SCP2: variants seen among roughly 807,000 people sequenced by gnomAD.
SCP2 encodes the protein SCP-2/3-oxoacyl-CoA thiolase.
Under a neutral mutation model 71.4 loss-of-function variants are expected in SCP2, and 48 were observed. The observed-to-expected ratio is 0.67, with a 90% confidence interval of 0.53 to 0.86. SCP2 has a LOEUF of 0.86. SCP2 is among the 40% of genes least tolerant of loss of function. SCP2 has a pLI of 0.00. For missense variants in SCP2, 560 were observed against 655.6 expected, an observed-to-expected ratio of 0.85 and a Z score of 1.59; for synonymous variants, 220 against 218.1, an observed-to-expected ratio of 1.01 and a Z score of -0.08.
At chr1:53,036,783 A>T (rs539968335) in intron 13 of SCP2, among the ~76,000 whole-genome samples, 1 of 151,482 alleles carries the variant, frequency 6.6e-6, no homozygotes, top group East Asian at 2.0e-4. Context: ...TGTTTTTGGT[A>T]CAAAACCCAT....
intron 8 of SCP2, 143 bp from the exon 9 acceptor site, chr1:52,978,074 T>G (rs1384186313): frequency 1.3e-6 from 1 of 752,816 alleles, no homozygotes; most frequent in Non-Finnish European, 2.3e-6. Context: ...ATGTGTGATT[T>G]ACAACTGTAG....
chr1:52,985,780 G>A (rs1397025196), intron 10 of SCP2, among the ~76,000 whole-genome samples: 1 of 152,016 alleles, frequency 6.6e-6, no homozygotes, highest in Non-Finnish European at 1.5e-5. Flanking sequence ...CAGGGCCTTT[G>A]TTCCAAACAT....
chr1:53,044,353 C>T (rs562382378), intron 14 of SCP2, among the ~76,000 whole-genome samples: 10 of 152,300 alleles, frequency 6.6e-5, no homozygotes, highest in Non-Finnish European at 2.9e-5. Context: ...CCAGCGCACC[C>T]GGCTTCTATT....
rs554851573 is a variant in SCP2, at chr1:52,954,313, C to CAA, written c.332-417_332-416dup. 3.2e-3 allele frequency among the ~76,000 whole-genome samples: 418 copies of CAA among 130,182 alleles called. 4 individuals are homozygous for CAA. Among genetic ancestry groups the CAA allele is most frequent in the African/African-American group, 0.011 (393 of 35,952 alleles). The allele number at this position is 130,182 out of a possible 152,430, so 85.4% of individuals were successfully genotyped here. On this transcript the variant is annotated intron_variant, in intron 4 of 15. Coordinates refer to ENST00000371514, the MANE Select transcript of SCP2 (RefSeq NM_002979.5). The stretch of plus-strand genomic sequence containing the variant: ...TCGGTGACAGACTGAAACTTTGTGT[C>CAA]AAAAAAAAAAAGCAAACAAACAACA...
At chr1:52,963,495 C>T (rs1280614161) in intron 6 of SCP2, 1 of 151,918 alleles carries the variant, frequency 6.6e-6, no homozygotes, top group South Asian at 2.1e-4. Context: ...AATCCATTAT[C>T]GGAGGTGTTA....
chr1:53,047,641 A>C (rs1557635751), intron 14 of SCP2, among the ~76,000 whole-genome samples: 1 of 152,176 alleles, frequency 6.6e-6, no homozygotes, highest in Non-Finnish European at 1.5e-5. Flanking sequence ...ATATACCATA[A>C]TTTATTTAAT....
intron 11 of SCP2, among the ~76,000 whole-genome samples, chr1:52,988,372 G>A (rs1659178737): frequency 6.6e-6 from 1 of 152,140 alleles, no homozygotes; most frequent in South Asian, 2.1e-4. Context: ...TTTCCAAATA[G>A]AGATCTTACT....
intron 11 of SCP2, among the ~76,000 whole-genome samples, chr1:52,997,035 GA>G (rs373033925): frequency 4.0e-5 from 6 of 150,194 alleles, no homozygotes; most frequent in Non-Finnish European, 5.9e-5. Context: ...ATGTGAATTG[GA>G]AAAAAAAATG....
Position 53,014,880 on chromosome 1 carries a change from G to T in SCP2, c.1082-10G>T, listed in dbSNP as rs373487934. 7 of 1,612,306 alleles carry T rather than the reference G, an allele frequency of 4.3e-6. No individual in the cohort carries two copies. Among genetic ancestry groups the T allele is most frequent in the South Asian group, 1.1e-5 (1 of 90,950 alleles). On this transcript the variant is annotated splice_polypyrimidine_tract_variant and intron_variant, in intron 11 of 15. Transcript: ENST00000371514. ...GGAAGCAGCTCAGTGCTCTGTGTTC[G>T]ATTTGTTAGGTCTTGCTCAGTGTGC...
Position 52,954,781 on chromosome 1 carries a change from A to C in SCP2, c.373A>C (p.Ser125Arg). 6.2e-7 allele frequency: 1 copy of C among 1,613,684 alleles called. No individual in the cohort carries two copies. Among genetic ancestry groups the C allele is most frequent in the South Asian group, 1.1e-5 (1 of 91,072 alleles). Residue 125 changes from serine to arginine, a missense_variant, in exon 5 of 16, where the codon AGT (serine) becomes CGT (arginine). Physicochemically the swap from Ser to Arg is moderately radical, Grantham distance 110. This residue lies in a region of SCP2 where 513 missense variants were observed against 573.1 expected (regional missense o/e 0.90). Transcript: ENST00000371514. ...CVLALGFEKM[S>R]KGSLGIKFSD... Reference sequence around the variant, plus strand: ...CTTGGCTCTTGGGTTTGAGAAGATGAGTAAGGGAAGCCTTGGAATAAAAGT... The same window carrying C: ...CTTGGCTCTTGGGTTTGAGAAGATGCGTAAGGGAAGCCTTGGAATAAAAGT...
At chr1:52,974,399 G>A (rs535697119) in intron 6 of SCP2, among the ~76,000 whole-genome samples, 9 of 152,286 alleles carry the variant, frequency 5.9e-5, no homozygotes, top group African/African-American at 2.2e-4. Flanking sequence ...TGTGAGTTGT[G>A]TAAAATTCTC....
chr1:52,928,360 T>C (rs1015343926), intron 1 of SCP2, among the ~76,000 whole-genome samples: 1 of 152,250 alleles, frequency 6.6e-6, no homozygotes, highest in Non-Finnish European at 1.5e-5. Context: ...CCTCAGTGAA[T>C]GTTAGTTGAA....
At chr1:53,028,618 CTTTTG>C (rs1481531380) in intron 13 of SCP2, among the ~76,000 whole-genome samples, 7 of 151,972 alleles carry the variant, frequency 4.6e-5, no homozygotes, top group Middle Eastern at 6.8e-3. Flanking sequence ...TTATACTATA[CTTTTG>C]TTTTAACCTT....
chr1:52,978,539 T>C (rs560479268), intron 9 of SCP2, among the ~76,000 whole-genome samples, 172 bp downstream of exon 9: 1 of 152,216 alleles, frequency 6.6e-6, no homozygotes, highest in South Asian at 2.1e-4. Flanking sequence ...AAGGGAAAAA[T>C]GATTGTTTTG....
chr1:52,960,910 A>C (rs981890339), intron 5 of SCP2, among the ~76,000 whole-genome samples: 1 of 150,804 alleles, frequency 6.6e-6, no homozygotes, highest in Non-Finnish European at 1.5e-5. Context: ...ATACCACCAC[A>C]CCTGGCTAAT....
At chr1:53,046,458 G>T (rs1663826533) in intron 14 of SCP2, among the ~76,000 whole-genome samples, 1 of 151,650 alleles carries the variant, frequency 6.6e-6, no homozygotes, top group African/African-American at 2.4e-5. Flanking sequence ...TTGGCCATTT[G>T]GAGATCTTCT....
chr1:52,978,936 G>A (rs1479024074), intron 9 of SCP2, among the ~76,000 whole-genome samples: 1 of 152,038 alleles, frequency 6.6e-6, no homozygotes, highest in African/African-American at 2.4e-5. Flanking sequence ...GTACAAAATG[G>A]AAAAAGTAAA....
At chr1:52,946,751 T>C (rs1477796007) in intron 2 of SCP2, among the ~76,000 whole-genome samples, 1 of 131,160 alleles carries the variant, frequency 7.6e-6, no homozygotes, top group African/African-American at 2.9e-5. Context: ...TCAAATACAT[T>C]TATATGTTTA....
At chr1:52,988,860 ATT>A (rs1292074564) in intron 11 of SCP2, among the ~76,000 whole-genome samples, 1 of 143,626 alleles carries the variant, frequency 7.0e-6, no homozygotes, top group East Asian at 2.0e-4. Flanking sequence ...TAATTTTTGT[ATT>A]TTTTTTTTTA....
Sources: allele counts gnomAD v4.1 joint callset (sites outside exome capture counted in the v4.1 genomes callset), GRCh38; gene constraint gnomAD v4.1.1; regional missense constraint gnomAD v4.1.1; transcripts MANE v1.5; gene names NCBI Gene and HGNC (gene_info 2026-07-23, HGNC 2026-07-21).